FEZ1: variants seen among roughly 807,000 people sequenced by gnomAD.
The protein encoded by FEZ1 is fasciculation and elongation protein zeta-1.
Under a neutral mutation model 49.3 loss-of-function variants are expected in FEZ1, and 20 were observed. The observed-to-expected ratio is 0.41, with a 90% confidence interval of 0.29 to 0.59. The LOEUF is 0.59. Ranked by LOEUF, FEZ1 falls within the 20% of genes least tolerant of loss-of-function variation. FEZ1 has a pLI of 0.36. For synonymous variants in FEZ1, 170 were observed against 180.9 expected (o/e 0.94, Z 0.48); for missense variants, 413 against 476.0 (o/e 0.87, Z 1.23).
intron 2 of FEZ1, among the ~76,000 whole-genome samples, chr11:125,483,000 A>AAC (rs1957297666): frequency 1.3e-5 from 2 of 149,466 alleles, no homozygotes; most frequent in South Asian, 2.2e-4. Flanking sequence ...AAAAAAAAAA[A>AAC]AAAACTAAAA....
chr11:125,452,501 A>C lies in FEZ1; in HGVS notation c.1021-92T>G, dbSNP rs1383003037. On this transcript the variant is annotated intron_variant, in intron 7 of 9. Coordinates refer to ENST00000278919, the MANE Select transcript of FEZ1 (RefSeq NM_005103.5). ...CCTTTCTCTAAGACACACACTGCAA[A>C]TCTGACCTTCTCTGAAACATTCATG... The C allele has an allele frequency of 1.3e-5, 10 of 778,132 alleles. No individual in the cohort carries two copies. In the South Asian group the frequency reaches 1.5e-4, roughly 12 times the overall value. The allele number at this position is 778,132 out of a possible 1,614,324, so 48.2% of individuals were successfully genotyped here.
At chr11:125,460,390 G>A in intron 5 of FEZ1, 108 bp downstream of exon 5, 3 of 937,412 alleles carry the variant, frequency 3.2e-6, no homozygotes, top group Non-Finnish European at 4.8e-6. Flanking sequence ...GCAAGGCTCT[G>A]CTCTGAGGCA....
chr11:125,481,074 GA>G (rs1045965716), intron 3 of FEZ1, among the ~76,000 whole-genome samples: 1 of 151,300 alleles, frequency 6.6e-6, no homozygotes, highest in African/African-American at 2.4e-5. Flanking sequence ...AGTAATGGCA[GA>G]AAAAAAATTA....
intron 5 of FEZ1, among the ~76,000 whole-genome samples, chr11:125,459,307 C>A (rs1419539250): frequency 1.3e-5 from 2 of 151,864 alleles, no homozygotes; most frequent in African/African-American, 4.8e-5. Flanking sequence ...AAATAGTTTT[C>A]TAGGCCGGGC....
chr11:125,464,568 A>G (rs980108632), intron 3 of FEZ1, among the ~76,000 whole-genome samples: 4 of 152,190 alleles, frequency 2.6e-5, no homozygotes, highest in Non-Finnish European at 5.9e-5. Context: ...CTTTTCTAAC[A>G]GGAAACAGCC....
In FEZ1 at chr11:125,443,729, T is replaced by A. The variant is rs759707330; in HGVS notation, c.*2366A>T. On this transcript the variant is annotated 3_prime_UTR_variant, in exon 10 of 10. Coordinates refer to ENST00000278919, the MANE Select transcript of FEZ1 (RefSeq NM_005103.5). ...AAACCATGAGGAATTGATTTCATAT[T>A]CCCCTTAAACTCCTGATAGACGGAC... Among the ~76,000 whole-genome samples the A allele has an allele frequency of 4.6e-5, 7 of 152,094 alleles. No homozygotes were observed. The highest frequency in any genetic ancestry group is 1.0e-4 in the Non-Finnish European group (7 of 68,022).
chr11:125,474,652 G>T (rs1475512071), intron 3 of FEZ1, among the ~76,000 whole-genome samples: 6 of 152,118 alleles, frequency 3.9e-5, no homozygotes, highest in Non-Finnish European at 8.8e-5. Flanking sequence ...CACTTTGGGA[G>T]GCCAAGGCAG....
Position 125,443,603 on chromosome 11 carries a change from G to A in FEZ1, c.*2492C>T, listed in dbSNP as rs533198023. Among the ~76,000 whole-genome samples, 4 of 152,114 alleles carry A rather than the reference G, an allele frequency of 2.6e-5. No individual in the cohort carries two copies. The highest frequency in any genetic ancestry group is 6.5e-5 in the Admixed American group (1 of 15,274). On this transcript the variant is annotated 3_prime_UTR_variant, in exon 10 of 10. Transcript: ENST00000278919. The stretch of plus-strand genomic sequence containing the variant: ...TTCTGACTTAGTAGGCCTGATGTGG[G>A]GCCTGAGATTTTGCATTTCTAACAA...
intron 3 of FEZ1, among the ~76,000 whole-genome samples, chr11:125,479,212 A>G (rs1957258527): frequency 6.6e-6 from 1 of 152,192 alleles, no homozygotes; most frequent in Non-Finnish European, 1.5e-5. Flanking sequence ...AGAAAAATGG[A>G]GAAGGATATA....
intron 5 of FEZ1, among the ~76,000 whole-genome samples, chr11:125,458,346 T>C (rs1000619136): frequency 1.3e-4 from 20 of 152,198 alleles, no homozygotes; most frequent in Non-Finnish European, 2.5e-4. Flanking sequence ...GGTGAATTGT[T>C]CTGCCTTTGC....
At position 125,443,768 on chromosome 11, in the gene FEZ1, AG is replaced by A. The variant is rs1461879142; in HGVS notation, c.*2326del. ...TGATAGACGGACAAACAAGAGAGAA[AG>A]GAGGAGCCACTGTTTTCAGCCTGCC... On this transcript the variant is annotated 3_prime_UTR_variant, in exon 10 of 10. Coordinates refer to ENST00000278919, the MANE Select transcript of FEZ1 (RefSeq NM_005103.5). Among the ~76,000 whole-genome samples the A allele has an allele frequency of 5.3e-5, 8 of 152,312 alleles. No individual in the cohort carries two copies. In the South Asian group the frequency reaches 1.7e-3, roughly 32 times the overall value.
chr11:125,453,530 T>C (rs1786334568), intron 7 of FEZ1: 1 of 152,248 alleles, frequency 6.6e-6, no homozygotes, highest in African/African-American at 2.4e-5. Context: ...GCCAGCCATG[T>C]CTATTAGATT....
intron 1 of FEZ1, among the ~76,000 whole-genome samples, chr11:125,493,144 T>G (rs1196724978): frequency 6.8e-6 from 1 of 147,686 alleles, no homozygotes; most frequent in Non-Finnish European, 1.5e-5. Context: ...CTGGCCAACA[T>G]GGCAAAACCC....
intron 2 of FEZ1, among the ~76,000 whole-genome samples, chr11:125,485,992 C>T (rs1404964165): frequency 6.6e-6 from 1 of 152,088 alleles, no homozygotes; most frequent in African/African-American, 2.4e-5. Context: ...AATGCGTTTG[C>T]TCAACTTTCT....
chr11:125,468,825 G>A (rs149980281), intron 3 of FEZ1, among the ~76,000 whole-genome samples: 1 of 152,298 alleles, frequency 6.6e-6, no homozygotes, highest in Non-Finnish European at 1.5e-5. Context: ...GCTATGTAAG[G>A]AAGATTTGCT....
At chr11:125,465,742 C>A (rs1392815014) in intron 3 of FEZ1, among the ~76,000 whole-genome samples, 1 of 152,194 alleles carries the variant, frequency 6.6e-6, no homozygotes, top group South Asian at 2.1e-4. Context: ...GGCTTCCCCA[C>A]CTCCATCGTG....
chr11:125,493,540 AAG>A (rs1294596535), intron 1 of FEZ1, among the ~76,000 whole-genome samples: 1 of 151,418 alleles, frequency 6.6e-6, no homozygotes, highest in Non-Finnish European at 1.5e-5. Context: ...GAAAGAAAGA[AAG>A]AAAGAAAGAA....
intron 3 of FEZ1, 60 bp downstream of exon 3, chr11:125,481,474 G>A (rs1289052172): frequency 3.1e-6 from 3 of 954,742 alleles, no homozygotes; most frequent in Non-Finnish European, 5.2e-6. Context: ...GTTACTGAAT[G>A]TTTTTCTAAC....
chr11:125,474,780 C>G (rs931468470), intron 3 of FEZ1, among the ~76,000 whole-genome samples: 2 of 152,018 alleles, frequency 1.3e-5, no homozygotes, highest in Non-Finnish European at 2.9e-5. Flanking sequence ...CCCAGCTACT[C>G]AGAAGGCTAA....
Sources: allele counts gnomAD v4.1 joint callset (sites outside exome capture counted in the v4.1 genomes callset), GRCh38; gene constraint gnomAD v4.1.1; transcripts MANE v1.5; gene names NCBI Gene and HGNC (gene_info 2026-07-23, HGNC 2026-07-21).